Variants in TASP1 observed in about 807,000 individuals in gnomAD.
The protein encoded by TASP1 is taspase 1.
A neutral mutation model predicts 56.6 loss-of-function variants in TASP1; 16 were observed. The ratio of observed to expected loss-of-function variants is 0.28; its 90% CI spans 0.19 to 0.43. TASP1 has a LOEUF of 0.43. TASP1 is among the 20% of genes least tolerant of loss of function. The pLI is 1.00. For missense variants in TASP1, 393 were observed against 511.6 expected (o/e 0.77, Z 2.24); for synonymous variants, 179 against 184.2 (o/e 0.97, Z 0.23).
In TASP1 at chr20:13,598,362, C is replaced by T. The variant is rs567963524; in HGVS notation, c.283-10992G>A. On this transcript the variant is annotated intron_variant, in intron 4 of 13. Coordinates refer to ENST00000337743, the MANE Select transcript of TASP1 (RefSeq NM_017714.3). ...ATAGACCAATGGAACAGAACAGAGG[C>T]CTCAGAAATAACACTACACATCTAC... Among the ~76,000 whole-genome samples the T allele has an allele frequency of 1.3e-3, 193 of 152,214 alleles. 1 individual carries two copies. The highest frequency in any genetic ancestry group is 4.3e-3 in the African/African-American group (179 of 41,522).
chr20:13,437,310 G>C (rs6042094), intron 11 of TASP1, among the ~76,000 whole-genome samples: 5 of 151,934 alleles, frequency 3.3e-5, no homozygotes, highest in South Asian at 2.1e-4. Flanking sequence ...ATTCAACAAC[G>C]CTTCATGCTA....
At chr20:13,293,771 T>C in the TASP1 span, among the ~76,000 whole-genome samples, 1 of 151,954 alleles carries the variant, frequency 6.6e-6, no homozygotes, top group African/African-American at 2.4e-5. Context: ...GCCAGGAGTT[T>C]GAGACCAGCC....
the TASP1 span, chr20:13,279,833 C>T: frequency 6.2e-7 from 1 of 1,613,882 alleles, no homozygotes; most frequent in Non-Finnish European, 8.5e-7. Context: ...CTCAACCCCC[C>T]CAGGGGGTGG....
At chr20:13,436,336 T>A (rs958346534) in intron 11 of TASP1, among the ~76,000 whole-genome samples, 2 of 147,772 alleles carry the variant, frequency 1.4e-5, no homozygotes, top group South Asian at 2.1e-4. Context: ...TTTTAGTTTT[T>A]AAAGGGTTGT....
chr20:13,172,281 A>G, the TASP1 span, among the ~76,000 whole-genome samples: 1 of 152,258 alleles, frequency 6.6e-6, no homozygotes, highest in South Asian at 2.1e-4. Flanking sequence ...AGAACTTAAA[A>G]TTGTTTTCAG....
At chr20:13,215,432 C>T in the TASP1 span, among the ~76,000 whole-genome samples, 32,700 of 152,064 alleles carry the variant, frequency 0.22, 3,875 homozygotes, top group Non-Finnish European at 0.27. Context: ...AGAATTTGCA[C>T]GGAAATAATA....
the TASP1 span, among the ~76,000 whole-genome samples, chr20:13,214,519 GCACACACA>G: frequency 0.067 from 7,706 of 115,370 alleles, 314 homozygotes; most frequent in East Asian, 0.27. Flanking sequence ...ACAGAGACAG[GCACACACA>G]CACACACACA....
At chr20:13,278,241 A>G in the TASP1 span, among the ~76,000 whole-genome samples, 1 of 152,120 alleles carries the variant, frequency 6.6e-6, no homozygotes, top group Admixed American at 6.5e-5. Context: ...TCATTCTTCC[A>G]GCCCCGTGAC....
the TASP1 span, among the ~76,000 whole-genome samples, chr20:13,181,576 A>G: frequency 6.6e-6 from 1 of 152,180 alleles, no homozygotes; most frequent in Non-Finnish European, 1.5e-5. Context: ...TGACCTTTCC[A>G]CTGGAATGTC....
the TASP1 span, among the ~76,000 whole-genome samples, chr20:13,256,395 C>CAAAAA: frequency 5.6e-5 from 4 of 71,794 alleles, no homozygotes; most frequent in Non-Finnish European, 8.5e-5. Flanking sequence ...GACCCCGTCT[C>CAAAAA]AAAAAAAAAA....
chr20:13,312,079 A>T, the TASP1 span, among the ~76,000 whole-genome samples: 2 of 152,352 alleles, frequency 1.3e-5, no homozygotes, highest in African/African-American at 4.8e-5. Flanking sequence ...TAACTTTTTT[A>T]AAAGAACATA....
At chr20:13,279,808 G>A in the TASP1 span, 1 of 1,614,028 alleles carries the variant, frequency 6.2e-7, no homozygotes, top group African/African-American at 1.3e-5. Context: ...CAGTACCTCA[G>A]ACGACAGCAA....
the TASP1 span, among the ~76,000 whole-genome samples, chr20:13,332,722 C>T: frequency 6.6e-6 from 1 of 152,328 alleles, no homozygotes; most frequent in South Asian, 2.1e-4. Context: ...ACCTTTTCCA[C>T]TCTATGTCAT....
At chr20:13,621,682 A>C (rs1568661220) in intron 4 of TASP1, among the ~76,000 whole-genome samples, 1 of 152,244 alleles carries the variant, frequency 6.6e-6, no homozygotes, top group Non-Finnish European at 1.5e-5. Context: ...TTTAAGTATA[A>C]ATAAGTAAAC....
intron 11 of TASP1, among the ~76,000 whole-genome samples, chr20:13,454,558 A>G (rs2043755300): frequency 6.6e-6 from 1 of 152,174 alleles, no homozygotes; most frequent in South Asian, 2.1e-4. Flanking sequence ...CGAAGAGAGA[A>G]TGTGAGTTAC....
At chr20:13,537,866 T>C (rs1005180109) in intron 8 of TASP1, among the ~76,000 whole-genome samples, 2 of 152,124 alleles carry the variant, frequency 1.3e-5, no homozygotes, top group African/African-American at 4.8e-5. Context: ...ATAGTTATTA[T>C]AAGAATTAAA....
At chr20:13,586,139 C>T (rs866539443) in intron 5 of TASP1, among the ~76,000 whole-genome samples, 1 of 130,590 alleles carries the variant, frequency 7.7e-6, no homozygotes, top group Non-Finnish European at 1.5e-5. Flanking sequence ...CGCACCACTG[C>T]ACTCCAGGCT....
chr20:13,569,672 T>C (rs1394673838), intron 6 of TASP1, 86 bp from the exon 7 acceptor site: 1 of 1,163,152 alleles, frequency 8.6e-7, no homozygotes, highest in Non-Finnish European at 1.2e-6. Flanking sequence ...GTAAGGCAGT[T>C]GAGAAAAAGT....
the TASP1 span, among the ~76,000 whole-genome samples, chr20:13,277,730 G>T: frequency 6.6e-6 from 1 of 151,880 alleles, no homozygotes; most frequent in African/African-American, 2.4e-5. Context: ...CTGGAGTAAG[G>T]GTGGTGGCAT....
Sources: allele counts gnomAD v4.1 joint callset (sites outside exome capture counted in the v4.1 genomes callset), GRCh38; gene constraint gnomAD v4.1.1; transcripts MANE v1.5; gene names NCBI Gene and HGNC (gene_info 2026-07-23, HGNC 2026-07-21).